Variants in SLCO1A2 observed in about 807,000 individuals in gnomAD.
The protein encoded by SLCO1A2 is OATP-1.
SLCO1A2 carries 67 observed loss-of-function variants against 69.0 expected under a neutral mutation model. The ratio of observed to expected loss-of-function variants is 0.97; its 90% CI spans 0.80 to 1.19. SLCO1A2 has a LOEUF of 1.19. Among genes scored for constraint, SLCO1A2 ranks in the 50% most tolerant of loss-of-function variants. SLCO1A2 has a pLI of 0.00. For synonymous variants in SLCO1A2, 260 were observed against 265.9 expected, an observed-to-expected ratio of 0.98 and a Z score of 0.22; for missense variants, 787 against 793.7, an observed-to-expected ratio of 0.99 and a Z score of 0.10.
intron 9 of SLCO1A2, among the ~76,000 whole-genome samples, 155 bp downstream of exon 9, chr12:21,297,231 TTCTTTCTTTCTTTCTTTC>T (rs1486774305): frequency 4.0e-5 from 5 of 124,956 alleles, no homozygotes; most frequent in African/African-American, 1.1e-4. Flanking sequence ...CTTTCCTTCC[TTCTTTCTTTCTTTCTTTC>T]TCTTTCTTTC....
intron 4 of SLCO1A2, among the ~76,000 whole-genome samples, chr12:21,312,681 T>A (rs1250175675): frequency 6.6e-6 from 1 of 152,114 alleles, no homozygotes. Flanking sequence ...TCAATATTTT[T>A]GTATCTAGGG....
intron 2 of SLCO1A2, among the ~76,000 whole-genome samples, chr12:21,365,787 C>T (rs1939327980): frequency 6.6e-6 from 1 of 152,190 alleles, no homozygotes; most frequent in Admixed American, 6.5e-5. Context: ...AGCCAACAGA[C>T]ACATGAAAAA....
intron 2 of SLCO1A2, among the ~76,000 whole-genome samples, chr12:21,364,851 A>C (rs916381773): frequency 2.6e-5 from 4 of 152,156 alleles, no homozygotes; most frequent in Non-Finnish European, 4.4e-5. Context: ...GATGTGAAGT[A>C]CCTCTTCAAG....
chr12:21,396,708 G>T (rs532217739), upstream of SLCO1A2, among the ~76,000 whole-genome samples: 1 of 152,118 alleles, frequency 6.6e-6, no homozygotes, highest in African/African-American at 2.4e-5. Flanking sequence ...AGAGAGTGGG[G>T]GCTAATATTC....
intron 2 of SLCO1A2, chr12:21,319,308 A>C: frequency 1.5e-6 from 2 of 1,344,338 alleles, no homozygotes; most frequent in Non-Finnish European, 1.0e-6. Flanking sequence ...AATTATACAA[A>C]GACATTATTT....
Position 21,275,255 on chromosome 12 carries a change from C to G in SLCO1A2, c.1675+105G>C, listed in dbSNP as rs960967396. 8 of 1,071,904 alleles carry G rather than the reference C, an allele frequency of 7.5e-6. No individual in the cohort carries two copies. The Admixed American group carries it at 1.2e-4, about 16-fold the overall frequency. The allele number at this position is 1,071,904 out of a possible 1,614,324, so 66.4% of individuals were successfully genotyped here. A position where few individuals can be genotyped will look rare whatever the true frequency, so the allele number is the denominator to read the frequency against. Reference sequence around the variant, plus strand: ...ACATGGCACATGTATACATATGTAACAAACCTGCACGTTGTGCACATGTAC... The same window carrying G: ...ACATGGCACATGTATACATATGTAAGAAACCTGCACGTTGTGCACATGTAC... On this transcript the variant is annotated intron_variant, in intron 13 of 14. Transcript: ENST00000683939.
chr12:21,416,667 A>G (rs1209078470), intron 1 of SLCO1A2, among the ~76,000 whole-genome samples: 2 of 152,070 alleles, frequency 1.3e-5, no homozygotes, highest in South Asian at 4.2e-4. Context: ...AAGGGCACTG[A>G]CTATTCACAG....
At chr12:21,314,170 G>C (rs138485064) in intron 4 of SLCO1A2, among the ~76,000 whole-genome samples, 69 of 152,140 alleles carry the variant, frequency 4.5e-4, no homozygotes, top group Middle Eastern at 3.4e-3. Context: ...AAAATTAAAA[G>C]AAAAATCAGC....
chr12:21,395,501 CG>C (rs1941409421), upstream of SLCO1A2: 1 of 154,156 alleles, frequency 6.5e-6, no homozygotes, highest in African/African-American at 2.4e-5. Flanking sequence ...CTGTGAAGCT[CG>C]AACTGGGTGG....
chr12:21,371,659 G>A (rs1375313252), intron 2 of SLCO1A2, among the ~76,000 whole-genome samples: 1 of 152,048 alleles, frequency 6.6e-6, no homozygotes, highest in Non-Finnish European at 1.5e-5. Flanking sequence ...TGCTTTACAT[G>A]ACACTAAGTT....
chr12:21,353,432 AG>A (rs1398709179), intron 2 of SLCO1A2, among the ~76,000 whole-genome samples: 21 of 151,980 alleles, frequency 1.4e-4, no homozygotes. Context: ...ACTATATGGA[AG>A]GTTCGTAGCC....
intron 1 of SLCO1A2, among the ~76,000 whole-genome samples, chr12:21,375,536 A>G (rs891987080): frequency 2.6e-5 from 4 of 152,212 alleles, no homozygotes; most frequent in Non-Finnish European, 5.9e-5. Context: ...GGATAAAAGG[A>G]TCACATACTT....
At chr12:21,364,970 C>T (rs1463911118) in intron 2 of SLCO1A2, among the ~76,000 whole-genome samples, 1 of 152,140 alleles carries the variant, frequency 6.6e-6, no homozygotes, top group Non-Finnish European at 1.5e-5. Flanking sequence ...GGCCATACTG[C>T]CTGAGGTAAT....
chr12:21,413,366 T>C (rs1337000299), intron 1 of SLCO1A2, among the ~76,000 whole-genome samples: 1 of 149,768 alleles, frequency 6.7e-6, no homozygotes, highest in East Asian at 2.0e-4. Context: ...CTCAGCCTCC[T>C]GAGTAGGTGG....
chr12:21,389,460 A>G (rs2137148847), intron 1 of SLCO1A2, among the ~76,000 whole-genome samples: 3 of 152,152 alleles, frequency 2.0e-5, no homozygotes, highest in Middle Eastern at 6.8e-3. Context: ...GTCTTATCCA[A>G]TGCAGATAAG....
chr12:21,283,164 A>G lies in SLCO1A2; in HGVS notation c.1611-7740T>C, dbSNP rs571718038. 2.0e-4 allele frequency among the ~76,000 whole-genome samples: 31 copies of G among 152,298 alleles called. 1 individual carries two copies. The South Asian group carries it at 5.8e-3, about 29-fold the overall frequency. On this transcript the variant is annotated intron_variant, in intron 12 of 14. Coordinates refer to ENST00000683939, the MANE Select transcript of SLCO1A2 (RefSeq NM_001386879.1). ...GGAGGAATCACATTACTTGACTTCAATTTATATCACAGACCTATAGTAACC... is the reference window on the plus strand; with the variant it reads ...GGAGGAATCACATTACTTGACTTCAGTTTATATCACAGACCTATAGTAACC...
At chr12:21,395,790 C>A (rs1012200097), upstream of SLCO1A2, among the ~76,000 whole-genome samples, 1 of 152,132 alleles carries the variant, frequency 6.6e-6, no homozygotes, top group Non-Finnish European at 1.5e-5. Context: ...CAGGGTACTC[C>A]AACAGACCTG....
At chr12:21,374,806 A>G (rs1442912726) in intron 1 of SLCO1A2, among the ~76,000 whole-genome samples, 1 of 147,718 alleles carries the variant, frequency 6.8e-6, no homozygotes, top group South Asian at 2.1e-4. Flanking sequence ...TTTTTATTTT[A>G]TTTTGAGACA....
At chr12:21,341,399 C>T (rs1953063393) in intron 2 of SLCO1A2, among the ~76,000 whole-genome samples, 1 of 151,724 alleles carries the variant, frequency 6.6e-6, no homozygotes, top group Non-Finnish European at 1.5e-5. Flanking sequence ...TATGTTTTCA[C>T]CAATTAAAAA....
Sources: gnomAD v4.1 joint callset for allele counts (sites outside exome capture counted in the v4.1 genomes callset) on GRCh38, gnomAD v4.1.1 for gene constraint, MANE v1.5 for transcripts, NCBI Gene and HGNC (gene_info 2026-07-23, HGNC 2026-07-21) for gene names.